VEPH1: variants seen among roughly 807,000 people sequenced by gnomAD.
VEPH1 encodes ventricular zone expressed PH domain containing 1, also known as ventricular zone-expressed PH domain-containing protein homolog 1.
VEPH1 carries 80 observed loss-of-function variants against 85.2 expected under a neutral mutation model. The observed-to-expected ratio is 0.94, with a 90% CI of 0.78 to 1.13. VEPH1 has a LOEUF of 1.13. Among genes scored for constraint, VEPH1 ranks in the 50% most tolerant of loss-of-function variants. The pLI is 0.00. For missense variants in VEPH1, 955 were observed against 980.5 expected, an observed-to-expected ratio of 0.97 and a Z score of 0.35; for synonymous variants, 297 against 348.0, an observed-to-expected ratio of 0.85 and a Z score of 1.63.
intron 9 of VEPH1, among the ~76,000 whole-genome samples, chr3:157,352,961 G>A (rs1725022602): frequency 6.6e-6 from 1 of 152,166 alleles, no homozygotes; most frequent in South Asian, 2.1e-4. Context: ...TCTATAGGGA[G>A]CAGAGCTTGC....
chr3:157,460,459 C>A, intron 3 of VEPH1, 104 bp from the exon 4 acceptor site: 1 of 1,384,828 alleles, frequency 7.2e-7, no homozygotes, highest in South Asian at 1.5e-5. Context: ...TACCAGAGTA[C>A]AGCTGTGAAA....
intron 11 of VEPH1, among the ~76,000 whole-genome samples, chr3:157,298,549 G>A (rs1270343636): frequency 6.6e-6 from 1 of 152,140 alleles, no homozygotes; most frequent in African/African-American, 2.4e-5. Context: ...ACTACTCCAT[G>A]AAACTAGCAC....
In VEPH1 at chr3:157,386,635, T is replaced by A. The variant is rs75759926; in HGVS notation, c.907-5259A>T. On this transcript the variant is annotated intron_variant, in intron 6 of 13. Transcript: ENST00000362010. The stretch of plus-strand genomic sequence containing the variant: ...TGGGTAGAGGCCAAACACCCCACAA[T>A]GCACAAGACAACCACACAACCGAGA... Among the ~76,000 whole-genome samples the A allele has an allele frequency of 4.5e-3, 689 of 152,288 alleles. 6 individuals carry two copies. The highest frequency in any genetic ancestry group is 0.016 in the African/African-American group (654 of 41,564).
At chr3:157,314,190 G>A (rs1038424769) in intron 10 of VEPH1, among the ~76,000 whole-genome samples, 4 of 151,368 alleles carry the variant, frequency 2.6e-5, no homozygotes, top group African/African-American at 4.8e-5. Flanking sequence ...AAAATTAGCC[G>A]GGCGTGGTGG....
chr3:157,486,806 T>G (rs1738700421), intron 2 of VEPH1, among the ~76,000 whole-genome samples: 1 of 152,100 alleles, frequency 6.6e-6, no homozygotes, highest in African/African-American at 2.4e-5. Context: ...TCTCAACTAC[T>G]TCGAAATAAC....
intron 6 of VEPH1, among the ~76,000 whole-genome samples, chr3:157,399,909 C>T (rs908783680): frequency 6.6e-6 from 1 of 152,060 alleles, no homozygotes; most frequent in Non-Finnish European, 1.5e-5. Flanking sequence ...TTTAGAATAG[C>T]ATTACAAAAG....
At chr3:157,429,511 T>C (rs536794329) in intron 4 of VEPH1, among the ~76,000 whole-genome samples, 142 of 152,316 alleles carry the variant, frequency 9.3e-4, no homozygotes, top group Admixed American at 1.9e-3. Flanking sequence ...ACTGAATGAA[T>C]TGAATGAATT....
chr3:157,420,596 C>T (rs993644243), intron 5 of VEPH1, among the ~76,000 whole-genome samples: 27 of 152,172 alleles, frequency 1.8e-4, no homozygotes, highest in African/African-American at 4.3e-4. Context: ...TCTACATATT[C>T]CAGCACTCTG....
intron 12 of VEPH1, among the ~76,000 whole-genome samples, chr3:157,266,101 A>G (rs767130648): frequency 1.3e-5 from 2 of 149,732 alleles, no homozygotes; most frequent in African/African-American, 4.9e-5. Flanking sequence ...TAAAAAACAA[A>G]TTTCCATGCT....
chr3:157,338,681 A>T (rs184191947), intron 9 of VEPH1, among the ~76,000 whole-genome samples: 3 of 152,330 alleles, frequency 2.0e-5, no homozygotes, highest in Admixed American at 1.3e-4. Flanking sequence ...TCAAACTTTT[A>T]TATTGCATCA....
intron 4 of VEPH1, among the ~76,000 whole-genome samples, chr3:157,459,259 G>A (rs1041441989): frequency 4.6e-5 from 7 of 152,190 alleles, no homozygotes; most frequent in Admixed American, 2.6e-4. Flanking sequence ...CTCGCATGGT[G>A]GAAGAGGACA....
At chr3:157,276,631 C>T (rs185969109) in intron 12 of VEPH1, among the ~76,000 whole-genome samples, 56 of 152,288 alleles carry the variant, frequency 3.7e-4, no homozygotes, top group African/African-American at 9.4e-4. Context: ...TATAAGCTTA[C>T]ATTCATGTTC....
chr3:157,288,793 GA>G (rs934433055), intron 11 of VEPH1, among the ~76,000 whole-genome samples: 1 of 152,164 alleles, frequency 6.6e-6, no homozygotes, highest in African/African-American at 2.4e-5. Context: ...CCTGGGCCTA[GA>G]AATGGATACT....
intron 9 of VEPH1, among the ~76,000 whole-genome samples, chr3:157,343,721 C>G (rs1247541103): frequency 1.3e-5 from 2 of 151,986 alleles, no homozygotes; most frequent in African/African-American, 4.8e-5. Context: ...AGAGACACAA[C>G]AAAAAAAGAG....
chr3:157,421,584 C>T (rs1375042837), intron 5 of VEPH1, among the ~76,000 whole-genome samples: 2 of 152,160 alleles, frequency 1.3e-5, no homozygotes, highest in Non-Finnish European at 2.9e-5. Flanking sequence ...AACCCTTTCT[C>T]CACATTTCCT....
intron 2 of VEPH1, among the ~76,000 whole-genome samples, chr3:157,477,865 C>T (rs1737636530): frequency 6.6e-6 from 1 of 152,154 alleles, no homozygotes; most frequent in African/African-American, 2.4e-5. Flanking sequence ...TAATCACAGA[C>T]ATGTTAGATC....
intron 6 of VEPH1, among the ~76,000 whole-genome samples, chr3:157,411,969 G>A (rs922909723): frequency 1.3e-5 from 2 of 152,128 alleles, no homozygotes; most frequent in African/African-American, 2.4e-5. Context: ...GAGGTGACTC[G>A]ATCACGAGGG....
intron 4 of VEPH1, among the ~76,000 whole-genome samples, chr3:157,453,787 C>T (rs1181392007): frequency 6.6e-6 from 1 of 152,158 alleles, no homozygotes; most frequent in Non-Finnish European, 1.5e-5. Context: ...TTGATGGGCT[C>T]ATGTGAGTGA....
At chr3:157,308,464 G>A (rs1719756627) in intron 11 of VEPH1, among the ~76,000 whole-genome samples, 1 of 151,854 alleles carries the variant, frequency 6.6e-6, no homozygotes, top group African/African-American at 2.4e-5. Context: ...GTTGGTTTCT[G>A]GACTAGTCTG....
Sources: gnomAD v4.1 joint callset for allele counts (sites outside exome capture counted in the v4.1 genomes callset) on GRCh38, gnomAD v4.1.1 for gene constraint, MANE v1.5 for transcripts, NCBI Gene and HGNC (gene_info 2026-07-23, HGNC 2026-07-21) for gene names.